Variants in ACTR3C observed in about 807,000 individuals in gnomAD.
ACTR3C encodes the protein actin related protein 3C.
A neutral mutation model predicts 26.3 loss-of-function variants in ACTR3C; 18 were observed. The ratio of observed to expected loss-of-function variants is 0.68; its 90% CI spans 0.47 to 1.01. The LOEUF (loss-of-function observed/expected upper bound fraction) is 1.01, where lower values mean the gene tolerates loss of function less well. Among genes scored for constraint, ACTR3C ranks in the 50% least tolerant of loss-of-function variants. ACTR3C has a pLI of 0.00. For synonymous variants in ACTR3C, 55 were observed against 94.5 expected (o/e 0.58, Z 2.42); for missense variants, 184 against 250.7 (o/e 0.73, Z 1.80).
the ACTR3C span, among the ~76,000 whole-genome samples, chr7:150,147,515 G>T: frequency 2.0e-5 from 3 of 152,260 alleles, no homozygotes; most frequent in African/African-American, 7.2e-5. Context: ...CAGTTCAGCG[G>T]TAATAAATGC....
At chr7:149,892,628 C>T in the ACTR3C span, among the ~76,000 whole-genome samples, 1 of 109,526 alleles carries the variant, frequency 9.1e-6, no homozygotes, top group Non-Finnish European at 2.2e-5. Context: ...AAATGAGCTG[C>T]TCTACTTTTA....
chr7:150,064,676 A>G, the ACTR3C span, among the ~76,000 whole-genome samples: 9 of 151,862 alleles, frequency 5.9e-5, no homozygotes, highest in Non-Finnish European at 1.2e-4. Flanking sequence ...ACACACACAC[A>G]CACACACACG....
At chr7:150,086,274 C>T in the ACTR3C span, among the ~76,000 whole-genome samples, 7 of 152,152 alleles carry the variant, frequency 4.6e-5, no homozygotes, top group African/African-American at 1.7e-4. Flanking sequence ...ATGAGCCCAG[C>T]CCCATGCATT....
the ACTR3C span, among the ~76,000 whole-genome samples, chr7:150,178,280 CTTT>C: frequency 0.013 from 1,686 of 125,016 alleles, 111 homozygotes; most frequent in African/African-American, 0.05. Context: ...AACAGGAATA[CTTT>C]TTTTTTTTTT....
At chr7:150,284,338 C>T (rs1835585371) in intron 6 of ACTR3C, among the ~76,000 whole-genome samples, 1 of 152,112 alleles carries the variant, frequency 6.6e-6, no homozygotes, top group Non-Finnish European at 1.5e-5. Flanking sequence ...CTCAGGAGTT[C>T]GAGACCAGCC....
At chr7:150,081,640 G>C in the ACTR3C span, among the ~76,000 whole-genome samples, 1 of 151,388 alleles carries the variant, frequency 6.6e-6, no homozygotes, top group African/African-American at 2.5e-5. Context: ...TCATTTGTGT[G>C]TAGAATCATT....
chr7:149,997,549 G>A, the ACTR3C span, among the ~76,000 whole-genome samples: 8 of 152,030 alleles, frequency 5.3e-5, no homozygotes, highest in African/African-American at 7.2e-5. Context: ...TGTGAATGAC[G>A]GGATTATTAG....
At chr7:150,098,063 A>G in the ACTR3C span, among the ~76,000 whole-genome samples, 1 of 151,446 alleles carries the variant, frequency 6.6e-6, no homozygotes, top group Non-Finnish European at 1.5e-5. Flanking sequence ...AACTCTATCC[A>G]TCTAGATCCA....
the ACTR3C span, among the ~76,000 whole-genome samples, chr7:150,003,273 T>C: frequency 7.1e-3 from 1,071 of 151,288 alleles, no homozygotes; most frequent in African/African-American, 0.025. Context: ...GTGTGGTGTA[T>C]ATGATATGGT....
At chr7:149,907,473 T>TG in the ACTR3C span, among the ~76,000 whole-genome samples, 1 of 109,842 alleles carries the variant, frequency 9.1e-6, no homozygotes, top group Non-Finnish European at 2.0e-5. Context: ...CTTGCCTCTC[T>TG]TCTCTTCTCT....
At chr7:150,281,717 G>A (rs954337346) in intron 6 of ACTR3C, among the ~76,000 whole-genome samples, 1 of 152,130 alleles carries the variant, frequency 6.6e-6, no homozygotes, top group Non-Finnish European at 1.5e-5. Flanking sequence ...ATTATCACAG[G>A]CCAACCCGGA....
At chr7:150,260,728 C>A (rs1400018689) in intron 6 of ACTR3C, among the ~76,000 whole-genome samples, 1 of 152,150 alleles carries the variant, frequency 6.6e-6, no homozygotes, top group African/African-American at 2.4e-5. Flanking sequence ...GCTGTGCTTA[C>A]CATCATTACG....
At chr7:150,185,500 A>G in the ACTR3C span, among the ~76,000 whole-genome samples, 1 of 152,182 alleles carries the variant, frequency 6.6e-6, no homozygotes, top group African/African-American at 2.4e-5. Context: ...ATCAAGTGTC[A>G]TCTTTTTCTA....
At chr7:150,138,542 T>C in the ACTR3C span, among the ~76,000 whole-genome samples, 3 of 152,250 alleles carry the variant, frequency 2.0e-5, no homozygotes, top group Non-Finnish European at 4.4e-5. Flanking sequence ...TTCAGGCTCT[T>C]GTAAGATAAA....
chr7:150,223,100 TA>T, the ACTR3C span, among the ~76,000 whole-genome samples: 1 of 152,216 alleles, frequency 6.6e-6, no homozygotes, highest in Non-Finnish European at 1.5e-5. Context: ...CCCGATAAAC[TA>T]CCCCCATAAT....
chr7:150,038,694 T>TAACACCC, the ACTR3C span, among the ~76,000 whole-genome samples: 1,311 of 142,560 alleles, frequency 9.2e-3, 220 homozygotes, highest in African/African-American at 0.033. Flanking sequence ...CTTGGACACC[T>TAACACCC]AACACCCACA....
the ACTR3C span, among the ~76,000 whole-genome samples, chr7:150,238,249 T>C: frequency 2.9e-5 from 4 of 136,466 alleles, 1 homozygote; most frequent in African/African-American, 9.1e-5. Flanking sequence ...TATCTCTCAG[T>C]TGAGATCCAG....
chr7:150,233,856 G>GT, the ACTR3C span, among the ~76,000 whole-genome samples: 3 of 151,960 alleles, frequency 2.0e-5, no homozygotes, highest in African/African-American at 7.3e-5. Flanking sequence ...TTTCTGACTT[G>GT]TTTTTTCTTG....
the ACTR3C span, among the ~76,000 whole-genome samples, chr7:150,040,843 G>A: frequency 6.7e-6 from 1 of 148,328 alleles, no homozygotes; most frequent in African/African-American, 2.6e-5. Flanking sequence ...AAGAGCCAGA[G>A]GGGGAAGAGG....
Sources: allele counts gnomAD v4.1 joint callset (sites outside exome capture counted in the v4.1 genomes callset), GRCh38; gene constraint gnomAD v4.1.1; transcripts MANE v1.5; gene names NCBI Gene and HGNC (gene_info 2026-07-23, HGNC 2026-07-21).